USP32: variants seen among roughly 807,000 people sequenced by gnomAD.
USP32 encodes the protein ubiquitin carboxyl-terminal hydrolase 32.
A neutral mutation model predicts 204.8 loss-of-function variants in USP32; 59 were observed. The observed-to-expected ratio is 0.29, with a 90% CI of 0.23 to 0.36. USP32 has a LOEUF of 0.36. Ranked by LOEUF, USP32 falls within the 10% of genes least tolerant of loss-of-function variation. USP32 has a pLI of 1.00. For synonymous variants in USP32, 517 were observed against 678.4 expected (o/e 0.76, Z 3.70); for missense variants, 1,160 against 1,946.4 (o/e 0.60, Z 7.60).
chr17:60,252,502 A>C, intron 10 of USP32, 60 bp from the exon 11 acceptor site: 1 of 1,265,970 alleles, frequency 7.9e-7, no homozygotes, highest in Non-Finnish European at 1.1e-6. Flanking sequence ...CATTATCTGC[A>C]TGAGACCCAT....
upstream of USP32, chr17:60,392,312 G>A: frequency 3.0e-6 from 1 of 331,070 alleles, no homozygotes. Flanking sequence ...GCCCAGGGCC[G>A]CACGCTCCGC....
intron 1 of USP32, among the ~76,000 whole-genome samples, chr17:60,358,211 T>C (rs1280738593): frequency 6.6e-6 from 1 of 152,222 alleles, no homozygotes; most frequent in Admixed American, 6.5e-5. Context: ...GCCACCACCC[T>C]ATGAACCTAA....
At chr17:60,277,397 CAATG>C (rs1021963354) in intron 5 of USP32, among the ~76,000 whole-genome samples, 1 of 152,200 alleles carries the variant, frequency 6.6e-6, no homozygotes, top group African/African-American at 2.4e-5. Flanking sequence ...CTCTCAGGAG[CAATG>C]ACCTTCTGAG....
chr17:60,321,729 C>CA (rs1390564602), intron 2 of USP32, among the ~76,000 whole-genome samples: 3 of 152,072 alleles, frequency 2.0e-5, no homozygotes, highest in Non-Finnish European at 4.4e-5. Flanking sequence ...GTAACAACAA[C>CA]AAAAAAATTT....
At chr17:60,254,430 G>C (rs2086242800) in intron 10 of USP32, among the ~76,000 whole-genome samples, 1 of 152,138 alleles carries the variant, frequency 6.6e-6, no homozygotes. Flanking sequence ...GCTGGGCGTG[G>C]TGGTTCACTC....
intron 2 of USP32, among the ~76,000 whole-genome samples, chr17:60,328,662 C>T (rs1275513645): frequency 6.6e-6 from 1 of 152,210 alleles, no homozygotes; most frequent in African/African-American, 2.4e-5. Flanking sequence ...AGCTGCAGCC[C>T]TTCCAGAAGG....
chr17:60,272,970 T>A (rs1321966676), intron 5 of USP32, among the ~76,000 whole-genome samples: 1 of 152,086 alleles, frequency 6.6e-6, no homozygotes, highest in African/African-American at 2.4e-5. Context: ...GAAATTTGTT[T>A]TGTTTTGTTG....
At chr17:60,334,686 C>T (rs572038021) in intron 2 of USP32, among the ~76,000 whole-genome samples, 3 of 142,066 alleles carry the variant, frequency 2.1e-5, no homozygotes, top group South Asian at 2.1e-4. Flanking sequence ...AGCGAGACTC[C>T]GTCTCAAAAA....
intron 5 of USP32, among the ~76,000 whole-genome samples, chr17:60,273,123 C>T (rs1181934156): frequency 6.6e-6 from 1 of 152,138 alleles, no homozygotes; most frequent in Non-Finnish European, 1.5e-5. Context: ...CAGGCATGCA[C>T]CAGCATGCCT....
intron 5 of USP32, among the ~76,000 whole-genome samples, chr17:60,281,260 C>T (rs536267371): frequency 2.6e-5 from 4 of 152,280 alleles, no homozygotes; most frequent in East Asian, 1.9e-4. Context: ...ATGCTCTGGC[C>T]GGGTGCAGTG....
rs187744550 is a variant in USP32, at chr17:60,203,963, C to T, written c.3249+1484G>A. 1.5e-3 allele frequency among the ~76,000 whole-genome samples: 230 copies of T among 152,272 alleles called. 1 individual carries two copies. Among genetic ancestry groups the T allele is most frequent in the African/African-American group, 5.4e-3 (223 of 41,542 alleles). On this transcript the variant is annotated intron_variant, in intron 26 of 33. Coordinates refer to ENST00000300896, the MANE Select transcript of USP32 (RefSeq NM_032582.4). ...AGAATTAGAACTAAAACATAGGTTG[C>T]TAAATTCCTAGTTCAGTGCCCTTTC... is the stretch of plus-strand genomic sequence containing the variant.
intron 26 of USP32, among the ~76,000 whole-genome samples, chr17:60,202,022 T>C (rs1403452668): frequency 6.6e-6 from 1 of 152,198 alleles, no homozygotes; most frequent in Non-Finnish European, 1.5e-5. Flanking sequence ...CAGGAATGTA[T>C]TTACCAGTAT....
In USP32 at chr17:60,235,850, G is replaced by A. The variant is rs182489186; in HGVS notation, c.1239+288C>T. Among the ~76,000 whole-genome samples the A allele has an allele frequency of 2.2e-3, 333 of 152,286 alleles. 4 individuals carry two copies. Among genetic ancestry groups the A allele is most frequent in the African/African-American group, 7.6e-3 (315 of 41,544 alleles). ...ATATTATCTTCCTCACAAGGGTGGTGCGAGAAATAAATGAGATGTGATGTA... is the reference window on the plus strand; with the variant it reads ...ATATTATCTTCCTCACAAGGGTGGTACGAGAAATAAATGAGATGTGATGTA... On this transcript the variant is annotated intron_variant, in intron 12 of 33. Coordinates refer to ENST00000300896, the MANE Select transcript of USP32 (RefSeq NM_032582.4).
At chr17:60,253,067 T>C (rs1053548615) in intron 10 of USP32, among the ~76,000 whole-genome samples, 3 of 151,760 alleles carry the variant, frequency 2.0e-5, no homozygotes, top group Non-Finnish European at 4.4e-5. Context: ...GTATAAAATG[T>C]TGGAAACATA....
chr17:60,342,847 G>A (rs535145644), intron 2 of USP32, among the ~76,000 whole-genome samples: 1 of 152,308 alleles, frequency 6.6e-6, no homozygotes, highest in South Asian at 2.1e-4. Flanking sequence ...CCCGTGGCTA[G>A]GAAAGGGAAA....
intron 30 of USP32, among the ~76,000 whole-genome samples, chr17:60,183,694 C>T (rs775261728): frequency 2.0e-5 from 3 of 152,244 alleles, no homozygotes; most frequent in Non-Finnish European, 2.9e-5. Context: ...CACGTGACTG[C>T]GCAGTGGGTA....
At chr17:60,268,621 A>T (rs1396177571) in intron 7 of USP32, among the ~76,000 whole-genome samples, 1 of 150,932 alleles carries the variant, frequency 6.6e-6, no homozygotes, top group Non-Finnish European at 1.5e-5. Context: ...TAGCTTCCTC[A>T]TCTAAGAGCA....
chr17:60,350,118 T>A (rs1475790946), intron 1 of USP32, among the ~76,000 whole-genome samples: 1 of 150,968 alleles, frequency 6.6e-6, no homozygotes, highest in Non-Finnish European at 1.5e-5. Context: ...GCTCAAGCAA[T>A]CCTCCCACCT....
chr17:60,259,985 C>T (rs1026913362), intron 9 of USP32, among the ~76,000 whole-genome samples: 5 of 152,106 alleles, frequency 3.3e-5, no homozygotes, highest in African/African-American at 1.2e-4. Context: ...GTTCTATACC[C>T]TTTCACTTAA....
Sources: gnomAD v4.1 joint callset for allele counts (sites outside exome capture counted in the v4.1 genomes callset) on GRCh38, gnomAD v4.1.1 for gene constraint, MANE v1.5 for transcripts, NCBI Gene and HGNC (gene_info 2026-07-23, HGNC 2026-07-21) for gene names.